Variants in AFF3 observed in about 807,000 individuals in gnomAD.
AFF3 encodes AF4/FMR2 family member 3.
A neutral mutation model predicts 129.7 loss-of-function variants in AFF3; 32 were observed. The observed-to-expected ratio is 0.25, with a 90% CI of 0.19 to 0.33. The LOEUF (loss-of-function observed/expected upper bound fraction) is 0.33. Among genes scored for constraint, AFF3 ranks in the 10% least tolerant of loss-of-function variants. AFF3 has a pLI of 1.00. For synonymous variants in AFF3, 644 were observed against 635.4 expected, an observed-to-expected ratio of 1.01 and a Z score of -0.20; for missense variants, 1,373 against 1,592.0, an observed-to-expected ratio of 0.86 and a Z score of 2.34.
intron 7 of AFF3, among the ~76,000 whole-genome samples, chr2:99,838,848 C>T (rs541148723): frequency 1.2e-4 from 19 of 152,332 alleles, no homozygotes; most frequent in Admixed American, 3.9e-4. Flanking sequence ...TACCAGTGAC[C>T]GTTCCATCAC....
At chr2:100,026,935 G>A (rs1009352940) in intron 4 of AFF3, among the ~76,000 whole-genome samples, 1 of 151,744 alleles carries the variant, frequency 6.6e-6, no homozygotes, top group African/African-American at 2.4e-5. Context: ...TGGGGGGAAG[G>A]GTGGGAGGGT....
intron 8 of AFF3, among the ~76,000 whole-genome samples, chr2:99,781,571 G>A (rs1684413305): frequency 6.6e-6 from 1 of 152,142 alleles, no homozygotes; most frequent in African/African-American, 2.4e-5. Context: ...GTTATCCATG[G>A]GTGCTTCTGT....
At chr2:99,731,916 G>C (rs1402481468) in intron 10 of AFF3, among the ~76,000 whole-genome samples, 1 of 152,174 alleles carries the variant, frequency 6.6e-6, no homozygotes, top group African/African-American at 2.4e-5. Flanking sequence ...AACATAAAAT[G>C]TATATTTACA....
At chr2:99,767,129 A>G (rs1016764959) in intron 8 of AFF3, among the ~76,000 whole-genome samples, 1 of 152,230 alleles carries the variant, frequency 6.6e-6, no homozygotes, top group Non-Finnish European at 1.5e-5. Context: ...GCGTTCAACC[A>G]AACACACATT....
chr2:99,785,530 A>G (rs910290175), intron 8 of AFF3, among the ~76,000 whole-genome samples: 4 of 152,182 alleles, frequency 2.6e-5, no homozygotes, highest in Non-Finnish European at 4.4e-5. Context: ...ATGCAATCTC[A>G]TCACAGGTTC....
At chr2:99,912,744 T>C (rs1208687538) in intron 7 of AFF3, among the ~76,000 whole-genome samples, 2 of 152,182 alleles carry the variant, frequency 1.3e-5, no homozygotes, top group African/African-American at 4.8e-5. Flanking sequence ...TTACTGTTTC[T>C]CTATTAGGGA....
intron 7 of AFF3, among the ~76,000 whole-genome samples, chr2:99,945,242 C>A (rs1675449609): frequency 6.6e-6 from 1 of 152,232 alleles, no homozygotes; most frequent in Non-Finnish European, 1.5e-5. Context: ...TCTTTACACA[C>A]AGAATTAGCA....
intron 4 of AFF3, among the ~76,000 whole-genome samples, chr2:100,027,544 C>T (rs1170825196): frequency 1.3e-5 from 2 of 152,168 alleles, no homozygotes; most frequent in Non-Finnish European, 2.9e-5. Context: ...CTCCTGGCTA[C>T]AGATTTACTA....
chr2:99,966,900 A>C (rs1439585228), intron 7 of AFF3, among the ~76,000 whole-genome samples: 2 of 152,042 alleles, frequency 1.3e-5, no homozygotes, highest in Admixed American at 6.6e-5. Flanking sequence ...GATTAATAGC[A>C]CTCTATGGAA....
At chr2:99,626,834 T>C (rs1682633894) in intron 13 of AFF3, among the ~76,000 whole-genome samples, 1 of 152,198 alleles carries the variant, frequency 6.6e-6, no homozygotes, top group African/African-American at 2.4e-5. Context: ...CTGTAGTTAG[T>C]TTCCTTTCCT....
At chr2:99,900,974 C>T (rs1298689375) in intron 7 of AFF3, among the ~76,000 whole-genome samples, 1 of 152,252 alleles carries the variant, frequency 6.6e-6, no homozygotes, top group Non-Finnish European at 1.5e-5. Context: ...GGATTAGCCA[C>T]AGGCTCGTAA....
intron 7 of AFF3, among the ~76,000 whole-genome samples, chr2:99,898,515 C>T (rs1218206375): frequency 6.6e-6 from 1 of 152,222 alleles, no homozygotes; most frequent in Non-Finnish European, 1.5e-5. Context: ...CAAGCTCTTC[C>T]TCAGGAAGAG....
chr2:99,907,688 G>A (rs750071754), intron 7 of AFF3, among the ~76,000 whole-genome samples: 3 of 151,862 alleles, frequency 2.0e-5, no homozygotes, highest in Non-Finnish European at 4.4e-5. Flanking sequence ...ACCCAGGCTG[G>A]AGTACAATGG....
intron 2 of AFF3, chr2:100,107,055 C>G: frequency 2.0e-6 from 2 of 985,372 alleles, no homozygotes; most frequent in Non-Finnish European, 2.4e-6. Context: ...AAAAATGTTT[C>G]TTTAGGAATA....
intron 12 of AFF3, among the ~76,000 whole-genome samples, chr2:99,671,200 A>G (rs1333925358): frequency 6.6e-6 from 1 of 152,244 alleles, no homozygotes; most frequent in African/African-American, 2.4e-5. Context: ...GAAAAAACAC[A>G]AAGAGTTGAA....
chr2:99,966,694 A>C (rs1677807183), intron 7 of AFF3, among the ~76,000 whole-genome samples: 1 of 88,522 alleles, frequency 1.1e-5, no homozygotes, highest in Admixed American at 8.9e-5. Flanking sequence ...CGTCTCAAAA[A>C]AAAAAAAAAA....
intron 7 of AFF3, among the ~76,000 whole-genome samples, chr2:99,950,008 C>T (rs1675992555): frequency 6.6e-6 from 1 of 152,082 alleles, no homozygotes; most frequent in South Asian, 2.1e-4. Flanking sequence ...GAAATGATAT[C>T]CAGGTACTGA....
chr2:99,583,207 G>A (rs1320050717), intron 16 of AFF3, among the ~76,000 whole-genome samples: 1 of 152,118 alleles, frequency 6.6e-6, no homozygotes, highest in African/African-American at 2.4e-5. Flanking sequence ...TTCCCATCAG[G>A]ATGAGTAGTA....
intron 7 of AFF3, among the ~76,000 whole-genome samples, chr2:99,890,599 C>T (rs1456023310): frequency 6.6e-6 from 1 of 152,136 alleles, no homozygotes; most frequent in Non-Finnish European, 1.5e-5. Flanking sequence ...GGCAACCTCT[C>T]TGAGTTCTGC....
Sources: allele counts gnomAD v4.1 joint callset (sites outside exome capture counted in the v4.1 genomes callset), GRCh38; gene constraint gnomAD v4.1.1; transcripts MANE v1.5; gene names NCBI Gene and HGNC (gene_info 2026-07-23, HGNC 2026-07-21).